The following GRM8 variants were observed in gnomAD, a reference collection of about 807,000 sequenced individuals.
The protein encoded by GRM8 is glutamate metabotropic receptor 8, also known as metabotropic glutamate receptor 8.
GRM8 carries 47 observed loss-of-function variants against 87.2 expected under a neutral mutation model. The ratio of observed to expected loss-of-function variants is 0.54; its 90% CI spans 0.43 to 0.69. The LOEUF (loss-of-function observed/expected upper bound fraction) is 0.69, where lower values mean the gene tolerates loss of function less well. GRM8 is among the 30% of genes least tolerant of loss of function. The pLI, the probability that GRM8 is intolerant of heterozygous loss-of-function variation, is 0.00. For synonymous variants in GRM8, 396 were observed against 404.5 expected (o/e 0.98, Z 0.25); for missense variants, 1,019 against 1,139.2 (o/e 0.89, Z 1.52).
chr7:126,623,294 A>G (rs1800358355), intron 7 of GRM8, among the ~76,000 whole-genome samples: 1 of 152,154 alleles, frequency 6.6e-6, no homozygotes, highest in Non-Finnish European at 1.5e-5. Flanking sequence ...TTTTCTTAAA[A>G]AGTCTAAATT....
At position 126,852,205 on chromosome 7, in the gene GRM8, G is replaced by A. The variant is rs6963724; in HGVS notation, c.1156+50337C>T. 3.9e-3 allele frequency among the ~76,000 whole-genome samples: 592 copies of A among 152,180 alleles called. 4 individuals are homozygous for A. Among genetic ancestry groups the A allele is most frequent in the African/African-American group, 0.014 (573 of 41,528 alleles). ...TCCCTCCCTGCCCAGAGAGTGCCCC[G>A]CTCCAGCCATTCTATGTGCCTGTTT... On this transcript the variant is annotated intron_variant, in intron 6 of 10. Transcript: ENST00000339582.
Position 126,963,440 on chromosome 7 carries a change from C to A in GRM8, c.728-58757G>T, listed in dbSNP as rs17862249. 7.0e-3 allele frequency among the ~76,000 whole-genome samples: 1,059 copies of A among 152,262 alleles called. 8 individuals carry two copies. Among genetic ancestry groups the A allele is most frequent in the Non-Finnish European group, 0.012 (816 of 68,016 alleles). ...TTTAGAAAACCCCTTCGTCTCAGCTCGAAATCTCCTTAAGCTGATAAGCAG... is the reference window on the plus strand; with the variant it reads ...TTTAGAAAACCCCTTCGTCTCAGCTAGAAATCTCCTTAAGCTGATAAGCAG... On this transcript the variant is annotated intron_variant, in intron 3 of 10. Transcript: ENST00000339582.
chr7:126,875,437 A>G (rs185700100), intron 6 of GRM8, among the ~76,000 whole-genome samples: 4 of 152,268 alleles, frequency 2.6e-5, no homozygotes, highest in Non-Finnish European at 2.9e-5. Context: ...CATCCTCCGC[A>G]TTGGTGTCTC....
Position 126,885,281 on chromosome 7 carries a change from T to C in GRM8, c.1156+17261A>G, listed in dbSNP as rs543255304. On this transcript the variant is annotated intron_variant, in intron 6 of 10. Coordinates refer to ENST00000339582, the MANE Select transcript of GRM8 (RefSeq NM_000845.3). ...ATTGCCCCCACCCTGAGTGTATTCATAGTGATGTGCTATATGGTTTAGAAG... is the reference window on the plus strand; with the variant it reads ...ATTGCCCCCACCCTGAGTGTATTCACAGTGATGTGCTATATGGTTTAGAAG... Among the ~76,000 whole-genome samples the C allele has an allele frequency of 4.6e-5, 7 of 152,290 alleles. No individual in the cohort carries two copies. In the South Asian group the frequency reaches 1.0e-3, roughly 23 times the overall value.
At chr7:126,899,073 A>G (rs1247034264) in intron 6 of GRM8, among the ~76,000 whole-genome samples, 2 of 145,340 alleles carry the variant, frequency 1.4e-5, no homozygotes, top group Non-Finnish European at 3.0e-5. Flanking sequence ...TTCTGAAAAC[A>G]GCCTATTAAA....
chr7:127,228,982 TTAAAA>T (rs1479611078), intron 2 of GRM8: 1 of 152,212 alleles, frequency 6.6e-6, no homozygotes. Flanking sequence ...AAATAAGGTG[TTAAAA>T]TAATATTTAT....
At chr7:126,977,452 C>T (rs1811108503) in intron 3 of GRM8, among the ~76,000 whole-genome samples, 1 of 152,148 alleles carries the variant, frequency 6.6e-6, no homozygotes, top group Non-Finnish European at 1.5e-5. Context: ...AAGAAATATG[C>T]TAAAGAGAGG....
intron 7 of GRM8, among the ~76,000 whole-genome samples, chr7:126,631,968 T>TG (rs1436598702): frequency 6.6e-6 from 1 of 152,176 alleles, no homozygotes; most frequent in East Asian, 1.9e-4. Flanking sequence ...GACATAGGCA[T>TG]GGGCAAAGAT....
At chr7:127,115,567 T>C (rs1826652005) in intron 2 of GRM8, among the ~76,000 whole-genome samples, 1 of 152,306 alleles carries the variant, frequency 6.6e-6, no homozygotes, top group South Asian at 2.1e-4. Flanking sequence ...TTCTAACCTG[T>C]TTACTTAAAA....
At chr7:127,028,233 G>T (rs1231174592) in intron 3 of GRM8, among the ~76,000 whole-genome samples, 1 of 152,162 alleles carries the variant, frequency 6.6e-6, no homozygotes, top group African/African-American at 2.4e-5. Flanking sequence ...GATTCAGTTT[G>T]CCAGTATTTT....
chr7:126,904,808 C>G (rs1802513821), intron 3 of GRM8, 125 bp from the exon 4 acceptor site: 1 of 817,270 alleles, frequency 1.2e-6, no homozygotes, highest in Non-Finnish European at 2.0e-6. Context: ...ATGTGTCACT[C>G]TCACCTATTA....
intron 2 of GRM8, among the ~76,000 whole-genome samples, chr7:127,123,576 C>A (rs932146157): frequency 3.9e-5 from 6 of 152,258 alleles, no homozygotes; most frequent in Admixed American, 2.6e-4. Flanking sequence ...CAATCTTAAA[C>A]TTTCCAGCCA....
chr7:127,047,397 GT>G (rs887332473), intron 3 of GRM8, among the ~76,000 whole-genome samples: 8 of 150,086 alleles, frequency 5.3e-5, no homozygotes, highest in African/African-American at 1.2e-4. Flanking sequence ...AGAGTTTTAA[GT>G]TTTTTTTTTC....
At chr7:126,478,505 C>G (rs13239611) in intron 9 of GRM8, among the ~76,000 whole-genome samples, 46,836 of 151,804 alleles carry the variant, frequency 0.31, 8,054 homozygotes, top group Non-Finnish European at 0.37. Context: ...TAATACCTAA[C>G]AGTAAATAAT....
rs1815242737 is a variant in GRM8 at position 126,533,820 on chromosome 7, T to G, written c.1562A>C (p.Lys521Thr). 2 of 1,614,100 alleles carry G rather than the reference T, an allele frequency of 1.2e-6. No individual in the cohort carries two copies. The highest frequency in any genetic ancestry group is 1.7e-6 in the Non-Finnish European group (2 of 1,179,960). Residue 521 changes from lysine (K) to threonine (T), a missense_variant, in exon 9 of 11, where the codon AAG becomes ACG. Transcript: ENST00000339582. ...HPASVCSLPCKPGERKKTVKG... is the reference protein window; with the variant it reads ...HPASVCSLPCTPGERKKTVKG... ...CACCGTTTTCTTCCTCTCCCCTGGC[T>G]TACACGGCAGGCTGCAGACAGACGC...
intron 7 of GRM8, among the ~76,000 whole-genome samples, chr7:126,739,258 T>C (rs1484472066): frequency 6.6e-6 from 1 of 150,630 alleles, no homozygotes; most frequent in Admixed American, 6.7e-5. Context: ...TTTAAATCAA[T>C]TTTAATGGAA....
At chr7:126,536,234 T>C (rs745897479) in intron 8 of GRM8, among the ~76,000 whole-genome samples, 1 of 152,210 alleles carries the variant, frequency 6.6e-6, no homozygotes, top group Non-Finnish European at 1.5e-5. Flanking sequence ...ATCATTCTTA[T>C]GGTGGCTTAC....
At chr7:126,766,517 T>C (rs1818213612) in intron 7 of GRM8, among the ~76,000 whole-genome samples, 1 of 152,140 alleles carries the variant, frequency 6.6e-6, no homozygotes. Flanking sequence ...ATTTTTTTAA[T>C]TCCTTGAGAG....
intron 7 of GRM8, among the ~76,000 whole-genome samples, chr7:126,743,211 C>T (rs898206926): frequency 1.3e-5 from 2 of 152,098 alleles, no homozygotes; most frequent in Non-Finnish European, 1.5e-5. Context: ...ATATGTAGTA[C>T]GATTTCAGTG....
Sources: gnomAD v4.1 joint callset for allele counts (sites outside exome capture counted in the v4.1 genomes callset) on GRCh38, gnomAD v4.1.1 for gene constraint, MANE v1.5 for transcripts, NCBI Gene and HGNC (gene_info 2026-07-23, HGNC 2026-07-21) for gene names.